Variants in AGFG1 observed in about 807,000 individuals in gnomAD.
AGFG1 encodes the protein arf-GAP domain and FG repeat-containing protein 1.
AGFG1 carries 10 observed loss-of-function variants against 60.6 expected under a neutral mutation model. That is an observed-to-expected ratio of 0.16 (90% CI 0.10 to 0.28). AGFG1 has a LOEUF of 0.28. Ranked by LOEUF, AGFG1 falls within the 10% of genes least tolerant of loss-of-function variation. The pLI is 1.00. For missense variants in AGFG1, 537 were observed against 676.5 expected, an observed-to-expected ratio of 0.79 and a Z score of 2.29; for synonymous variants, 247 against 242.9, an observed-to-expected ratio of 1.02 and a Z score of -0.16.
intron 2 of AGFG1, among the ~76,000 whole-genome samples, chr2:227,513,685 G>A (rs1301004474): frequency 6.6e-6 from 1 of 152,170 alleles, no homozygotes; most frequent in African/African-American, 2.4e-5. Context: ...CAAATTGACT[G>A]TGCCATCCAT....
In AGFG1 at chr2:227,523,725, A is replaced by C. The variant is rs780377744; in HGVS notation, c.378-38A>C. ...ATCATTTTTTGATATAGAATTACCT[A>C]CATTTTTTTTTAGTTAACTGTTTTT... On this transcript the variant is annotated intron_variant, in intron 3 of 12. Transcript: ENST00000310078. 13 of 1,577,324 alleles carry C rather than the reference A, an allele frequency of 8.2e-6. No homozygotes were observed. In the Admixed American group the frequency reaches 1.0e-4, roughly 13 times the overall value.
chr2:227,475,297 G>GAA (rs956714198), intron 1 of AGFG1, among the ~76,000 whole-genome samples: 1 of 152,204 alleles, frequency 6.6e-6, no homozygotes, highest in Admixed American at 6.5e-5. Context: ...AATACTTTCA[G>GAA]AAGTTCTGCA....
intron 1 of AGFG1, among the ~76,000 whole-genome samples, chr2:227,473,042 C>A (rs12999384): frequency 1.4e-5 from 2 of 140,112 alleles, no homozygotes; most frequent in African/African-American, 5.4e-5. Flanking sequence ...GCCCGGGAGC[C>A]GCGGTGCGGA....
intron 1 of AGFG1, 128 bp from the exon 2 acceptor site, chr2:227,491,419 T>C (rs1481939463): frequency 1.5e-5 from 8 of 546,702 alleles, no homozygotes; most frequent in Non-Finnish European, 2.5e-5. Context: ...TAAAAATACT[T>C]TGAGTTTATG....
At position 227,472,432 on chromosome 2, in the gene AGFG1, G is replaced by C; in HGVS notation, c.11G>C (p.Ser4Thr). Residue 4 changes from serine to threonine, a missense_variant, in exon 1 of 13, where the codon AGC becomes ACC. By Grantham distance (58) the Ser-to-Thr change is moderately conservative. Coordinates refer to ENST00000310078, the MANE Select transcript of AGFG1 (RefSeq NM_004504.5). ...CTTGGCGCCGCGGCCATGGCGGCCA[G>C]CGCGAAGCGGAAGCAGGAGGAGAAG... MAA[S>T]AKRKQEEKHL... 4.6e-6 allele frequency: 7 copies of C among 1,524,680 alleles called. No homozygotes were observed. Among genetic ancestry groups the C allele is most frequent in the Non-Finnish European group, 6.2e-6 (7 of 1,135,434 alleles). 94.4% of individuals were successfully genotyped at this position (1,524,680 alleles called of 1,614,324 possible).
rs1690115972 is a variant in AGFG1 at position 227,472,358 on chromosome 2, G to GGGCCCCCGGCGCAGCGCTGCCC, written c.-60_-39dup. ...CGGCCAGGGCGGCCCGTGGGACCGC[G>GGGCCCCCGGCGCAGCGCTGCCC]GGCCCCCGGCGCAGCGCTGCCCGGC... is the stretch of plus-strand genomic sequence containing the variant. On this transcript the variant is annotated 5_prime_UTR_variant, in exon 1 of 13. Transcript: ENST00000310078. 6.8e-6 allele frequency: 7 copies of GGGCCCCCGGCGCAGCGCTGCCC among 1,022,592 alleles called. No homozygotes were observed. Among genetic ancestry groups the GGGCCCCCGGCGCAGCGCTGCCC allele is most frequent in the African/African-American group, 1.7e-5 (1 of 57,564 alleles). 63.3% of individuals were successfully genotyped at this position (1,022,592 alleles called of 1,614,324 possible).
intron 5 of AGFG1, among the ~76,000 whole-genome samples, chr2:227,526,164 A>G (rs1045871003): frequency 5.3e-5 from 8 of 152,136 alleles, no homozygotes; most frequent in Admixed American, 4.6e-4. Flanking sequence ...AGGAGTAGGA[A>G]CATTGTGAGG....
At chr2:227,548,720 G>T (rs1484677100) in intron 10 of AGFG1, among the ~76,000 whole-genome samples, 1 of 152,128 alleles carries the variant, frequency 6.6e-6, no homozygotes, top group Admixed American at 6.5e-5. Flanking sequence ...GGCGGATCAC[G>T]AGGTCAGGAG....
chr2:227,524,845 T>C lies in AGFG1; in HGVS notation c.624T>C (p.Phe208=). ...DLLSDLGSDI[F]AAPAPQSTAT... ...TAAGTGATCTCGGCTCAGACATCTT[T>C]GCTGCTCCAGCTCCTCAGTCAACAG... The change falls in exon 5 of 13, where the codon TTT becomes TTC. Residue 208 remains phenylalanine (F), a synonymous_variant. Transcript: ENST00000310078. The C allele has an allele frequency of 6.2e-7, 1 of 1,614,180 alleles. No homozygotes were observed. Among genetic ancestry groups the C allele is most frequent in the Non-Finnish European group, 8.5e-7 (1 of 1,179,998 alleles).
chr2:227,486,983 T>A (rs1408026774), intron 1 of AGFG1, among the ~76,000 whole-genome samples: 1 of 152,152 alleles, frequency 6.6e-6, no homozygotes, highest in African/African-American at 2.4e-5. Context: ...ACCCAAAATG[T>A]CAATAGTGTC....
chr2:227,480,560 C>T (rs907261036), intron 1 of AGFG1, among the ~76,000 whole-genome samples: 1 of 151,026 alleles, frequency 6.6e-6, no homozygotes, highest in African/African-American at 2.4e-5. Flanking sequence ...CTGCAATGAA[C>T]TTCCTTCAAT....
At chr2:227,524,974 C>G (rs1445613288) in intron 5 of AGFG1, 59 bp downstream of exon 5, 2 of 1,578,224 alleles carry the variant, frequency 1.3e-6, no homozygotes, top group Non-Finnish European at 1.7e-6. Context: ...CAAGAAACAT[C>G]AATTCTTTAT....
At chr2:227,518,072 G>T (rs1047577803) in intron 2 of AGFG1, among the ~76,000 whole-genome samples, 1 of 151,968 alleles carries the variant, frequency 6.6e-6, no homozygotes, top group African/African-American at 2.4e-5. Flanking sequence ...ACGTTTTGGT[G>T]GGGGGGTGCA....
chr2:227,530,320 A>C (rs1575101479), intron 5 of AGFG1, among the ~76,000 whole-genome samples: 1 of 152,266 alleles, frequency 6.6e-6, no homozygotes, highest in South Asian at 2.1e-4. Context: ...TGTTTTCCAA[A>C]GTTTCATTCT....
chr2:227,550,297 T>C (rs1406183367), intron 10 of AGFG1, among the ~76,000 whole-genome samples: 1 of 152,240 alleles, frequency 6.6e-6, no homozygotes, highest in Non-Finnish European at 1.5e-5. Flanking sequence ...TTTTAGTGAT[T>C]TATGTGTAAA....
intron 2 of AGFG1, among the ~76,000 whole-genome samples, chr2:227,515,344 A>G (rs1304181738): frequency 6.6e-6 from 1 of 152,074 alleles, no homozygotes; most frequent in Non-Finnish European, 1.5e-5. Flanking sequence ...CCTTCATACT[A>G]CTTTAGACCT....
At chr2:227,482,430 T>C (rs970080570) in intron 1 of AGFG1, among the ~76,000 whole-genome samples, 1 of 152,244 alleles carries the variant, frequency 6.6e-6, no homozygotes, top group Admixed American at 6.5e-5. Flanking sequence ...CATCAATAGT[T>C]TGTAGATTTG....
At position 227,531,015 on chromosome 2, in the gene AGFG1, C is replaced by A. The variant is rs537105829; in HGVS notation, c.695-76C>A. On this transcript the variant is annotated intron_variant, in intron 5 of 12. Transcript: ENST00000310078. The stretch of plus-strand genomic sequence containing the variant: ...ATACATAGAAACTTTTCATATAATT[C>A]TTAAACTCATGTGTCATGTATTTTC... The A allele has an allele frequency of 6.3e-5, 83 of 1,307,588 alleles. No homozygotes were observed. The African/African-American group carries it at 9.8e-4, about 15-fold the overall frequency. 81.0% of individuals were successfully genotyped at this position (1,307,588 alleles called of 1,614,324 possible).
At chr2:227,497,529 T>A (rs1054473341) in intron 2 of AGFG1, among the ~76,000 whole-genome samples, 13 of 152,068 alleles carry the variant, frequency 8.5e-5, no homozygotes, top group East Asian at 1.9e-4. Context: ...CATATGTATT[T>A]TAAACTGTTT....
Sources: allele counts gnomAD v4.1 joint callset (sites outside exome capture counted in the v4.1 genomes callset), GRCh38; gene constraint gnomAD v4.1.1; transcripts MANE v1.5; gene names NCBI Gene and HGNC (gene_info 2026-07-23, HGNC 2026-07-21).